The following TTLL11 variants were observed in gnomAD, a reference collection of about 807,000 sequenced individuals.
The protein encoded by TTLL11 is tubulin polyglutamylase TTLL11.
A neutral mutation model predicts 51.7 loss-of-function variants in TTLL11; 42 were observed. The observed-to-expected ratio is 0.81, with a 90% CI of 0.64 to 1.05. The LOEUF is 1.05. TTLL11 is among the 50% of genes least tolerant of loss of function. The probability of loss-of-function intolerance (pLI) is 0.00; values close to 1 mark genes in which losing one functional copy is unlikely to be tolerated. For missense variants in TTLL11, 799 were observed against 940.4 expected, an observed-to-expected ratio of 0.85 and a Z score of 1.97; for synonymous variants, 381 against 383.5, an observed-to-expected ratio of 0.99 and a Z score of 0.08.
intron 6 of TTLL11, among the ~76,000 whole-genome samples, chr9:121,899,365 GTATATATATATACATATATA>G (rs1468034030): frequency 1.8e-5 from 2 of 113,242 alleles, no homozygotes; most frequent in Non-Finnish European, 1.8e-5. Flanking sequence ...ATGTGTGTGT[GTATATATATATACATATATA>G]TATATATATA....
chr9:121,984,869 T>C (rs979805970), intron 4 of TTLL11, among the ~76,000 whole-genome samples: 2 of 152,132 alleles, frequency 1.3e-5, no homozygotes, highest in African/African-American at 4.8e-5. Context: ...TCATCTACAC[T>C]GAGACAGGCC....
intron 6 of TTLL11, among the ~76,000 whole-genome samples, chr9:121,914,852 GAGA>G (rs1321018960): frequency 6.6e-6 from 1 of 152,188 alleles, no homozygotes; most frequent in Admixed American, 6.5e-5. Flanking sequence ...AGATCCCATA[GAGA>G]AGGAGAGAGG....
At chr9:122,043,449 T>G (rs1250870012) in intron 1 of TTLL11, among the ~76,000 whole-genome samples, 1 of 152,168 alleles carries the variant, frequency 6.6e-6, no homozygotes, top group East Asian at 1.9e-4. Context: ...GCAAAAAGAA[T>G]GAAGTTGGAC....
intron 6 of TTLL11, among the ~76,000 whole-genome samples, chr9:121,941,344 T>A (rs774907460): frequency 2.3e-4 from 35 of 152,224 alleles, no homozygotes; most frequent in Non-Finnish European, 8.8e-5. Flanking sequence ...TGGACTCACC[T>A]TCCGCTATGA....
intron 3 of TTLL11, among the ~76,000 whole-genome samples, chr9:121,998,159 A>G (rs1003420631): frequency 6.6e-6 from 1 of 152,160 alleles, no homozygotes; most frequent in African/African-American, 2.4e-5. Flanking sequence ...GACTGGTTAT[A>G]GTCACAGGCG....
chr9:121,861,787 C>T (rs1838021390), intron 7 of TTLL11, among the ~76,000 whole-genome samples: 1 of 152,188 alleles, frequency 6.6e-6, no homozygotes, highest in South Asian at 2.1e-4. Flanking sequence ...GAAATGCTCA[C>T]CAGATGAGTC....
intron 6 of TTLL11, among the ~76,000 whole-genome samples, chr9:121,884,293 C>T (rs2131424460): frequency 1.3e-5 from 2 of 152,340 alleles, no homozygotes; most frequent in Middle Eastern, 6.8e-3. Context: ...GACCGACTCA[C>T]CCGGTGGGAG....
intron 7 of TTLL11, among the ~76,000 whole-genome samples, chr9:121,867,408 T>G (rs1348797966): frequency 6.6e-6 from 1 of 152,194 alleles, no homozygotes; most frequent in Non-Finnish European, 1.5e-5. Flanking sequence ...CCCTCTGTGA[T>G]AGCTGATGCT....
chr9:121,927,606 T>G (rs1246924490), intron 6 of TTLL11, among the ~76,000 whole-genome samples: 1 of 148,294 alleles, frequency 6.7e-6, no homozygotes, highest in Non-Finnish European at 1.5e-5. Context: ...ATAGTAAATA[T>G]CACAAGAGCA....
At chr9:121,826,174 AACCAGTAACC>A (rs1313793725) in intron 8 of TTLL11, among the ~76,000 whole-genome samples, 5 of 78,530 alleles carry the variant, frequency 6.4e-5, no homozygotes, top group African/African-American at 2.0e-4. Context: ...ATATATATAT[AACCAGTAACC>A]TATATATATA....
chr9:122,063,973 A>C (rs1845502322), intron 1 of TTLL11, among the ~76,000 whole-genome samples: 1 of 152,222 alleles, frequency 6.6e-6, no homozygotes, highest in East Asian at 1.9e-4. Context: ...GGAAACAATA[A>C]AATTCTGAAT....
chr9:121,838,761 A>AAAGC (rs1251274149), intron 8 of TTLL11, among the ~76,000 whole-genome samples: 170 of 86,992 alleles, frequency 2.0e-3, no homozygotes, highest in African/African-American at 5.1e-3. Context: ...AGAAAGAGAG[A>AAAGC]AAGCAAGCAA....
intron 1 of TTLL11, among the ~76,000 whole-genome samples, chr9:122,053,121 A>C (rs998007124): frequency 2.0e-5 from 3 of 152,260 alleles, no homozygotes; most frequent in Admixed American, 1.3e-4. Context: ...CCACAAACCC[A>C]CCTCAGGAAA....
chr9:121,986,355 A>C (rs1842940998), intron 4 of TTLL11, among the ~76,000 whole-genome samples: 1 of 152,146 alleles, frequency 6.6e-6, no homozygotes, highest in African/African-American at 2.4e-5. Context: ...GGCCCACATG[A>C]TAGTCCTAGA....
At chr9:122,059,694 T>A (rs1170071467) in intron 1 of TTLL11, among the ~76,000 whole-genome samples, 1 of 152,204 alleles carries the variant, frequency 6.6e-6, no homozygotes, top group Non-Finnish European at 1.5e-5. Context: ...CAACACCTAT[T>A]TATTAGTTCA....
intron 6 of TTLL11, among the ~76,000 whole-genome samples, chr9:121,937,792 T>A (rs1841291337): frequency 6.6e-6 from 1 of 150,798 alleles, no homozygotes. Context: ...GGAAGAAAAA[T>A]TTAAGAAAGA....
chr9:122,014,131 G>C (rs1367473112), intron 3 of TTLL11, among the ~76,000 whole-genome samples: 1 of 152,160 alleles, frequency 6.6e-6, no homozygotes. Flanking sequence ...TTGGGAGGCA[G>C]AGGTGGGCAG....
chr9:121,912,449 T>G (rs1276447839), intron 6 of TTLL11, among the ~76,000 whole-genome samples: 1 of 149,770 alleles, frequency 6.7e-6, no homozygotes, highest in Non-Finnish European at 1.5e-5. Flanking sequence ...TCTGTGTCTC[T>G]CCCTTCACAT....
At chr9:122,077,888 A>T (rs1455979904) in intron 1 of TTLL11, among the ~76,000 whole-genome samples, 18 of 151,894 alleles carry the variant, frequency 1.2e-4, no homozygotes. Flanking sequence ...AACATCCTCT[A>T]ACCACAATGA....
Sources: allele counts gnomAD v4.1 joint callset (sites outside exome capture counted in the v4.1 genomes callset), GRCh38; gene constraint gnomAD v4.1.1; transcripts MANE v1.5; gene names NCBI Gene and HGNC (gene_info 2026-07-23, HGNC 2026-07-21).